The following CHRNA7 variants were observed in gnomAD, a reference collection of about 807,000 sequenced individuals.
CHRNA7 encodes neuronal acetylcholine receptor subunit alpha-7.
A neutral mutation model predicts 48.0 loss-of-function variants in CHRNA7; 17 were observed. The ratio of observed to expected loss-of-function variants is 0.35; its 90% confidence interval spans 0.24 to 0.53. The LOEUF is 0.53. Ranked by LOEUF, CHRNA7 falls within the 20% of genes least tolerant of loss-of-function variation. The probability of loss-of-function intolerance (pLI) is 0.92; values close to 1 mark genes in which losing one functional copy is unlikely to be tolerated. For synonymous variants in CHRNA7, 75 were observed against 242.3 expected, an observed-to-expected ratio of 0.31 and a Z score of 6.41; for missense variants, 155 against 577.7, an observed-to-expected ratio of 0.27 and a Z score of 7.50.
intron 4 of CHRNA7, among the ~76,000 whole-genome samples, chr15:32,146,500 T>C (rs1049682784): frequency 2.0e-5 from 3 of 152,206 alleles, no homozygotes; most frequent in Admixed American, 6.5e-5. Flanking sequence ...ATCTGTTTTT[T>C]ACATAGAAAA....
chr15:32,148,554 C>T (rs932722829), intron 4 of CHRNA7, among the ~76,000 whole-genome samples: 4 of 152,182 alleles, frequency 2.6e-5, no homozygotes, highest in African/African-American at 9.7e-5. Context: ...GTGTGAGGAT[C>T]CTAGGGGATG....
In CHRNA7 at chr15:32,030,726, G is replaced by A. The variant is rs2292571; in HGVS notation, c.55+77G>A. The A allele has an allele frequency of 0.072, 109,678 of 1,533,474 alleles. 5,030 individuals carry two copies. Among genetic ancestry groups the A allele is most frequent in the East Asian group, 0.2 (8,056 of 39,580 alleles). The allele number at this position is 1,533,474 out of a possible 1,614,324, so 95.0% of individuals were successfully genotyped here. ...TCCCGGGCGCCTCTGTGCGCCCCGCGCCTGGGCCAGGTTTGGGATCTCCCC... is the reference window on the plus strand; with the variant it reads ...TCCCGGGCGCCTCTGTGCGCCCCGCACCTGGGCCAGGTTTGGGATCTCCCC... On this transcript the variant is annotated intron_variant, in intron 1 of 9. Coordinates refer to ENST00000306901, the MANE Select transcript of CHRNA7 (RefSeq NM_000746.6).
At chr15:32,097,312 T>G (rs2050487624) in intron 2 of CHRNA7, among the ~76,000 whole-genome samples, 1 of 152,132 alleles carries the variant, frequency 6.6e-6, no homozygotes, top group Non-Finnish European at 1.5e-5. Flanking sequence ...TGCAATGGTC[T>G]GAATGTTTTT....
intron 4 of CHRNA7, among the ~76,000 whole-genome samples, chr15:32,152,991 T>C (rs892998155): frequency 2.6e-5 from 4 of 151,912 alleles, no homozygotes; most frequent in African/African-American, 9.7e-5. Context: ...GGGGCAGTGG[T>C]GCATCCGTCT....
At chr15:32,077,675 A>G (rs1156712983) in intron 2 of CHRNA7, among the ~76,000 whole-genome samples, 1 of 152,178 alleles carries the variant, frequency 6.6e-6, no homozygotes, top group Non-Finnish European at 1.5e-5. Context: ...TTATAAAGCA[A>G]TGAGTTTTAT....
rs1231889582 is a variant in CHRNA7 at position 32,030,583 on chromosome 15, C to T, written c.-12C>T. 1.3e-6 allele frequency: 2 copies of T among 1,524,480 alleles called. No homozygotes were observed. The highest frequency in any genetic ancestry group is 3.9e-5 in the Admixed American group (2 of 50,900). The allele number at this position is 1,524,480 out of a possible 1,614,324, so 94.4% of individuals were successfully genotyped here. ...TGGAGCGCGCCGGCTCGCTGCAGCTCCGGGACTCAACATGCGCTGCTCGCC... is the reference window on the plus strand; with the variant it reads ...TGGAGCGCGCCGGCTCGCTGCAGCTTCGGGACTCAACATGCGCTGCTCGCC... On this transcript the variant is annotated 5_prime_UTR_variant, in exon 1 of 10. Transcript: ENST00000306901.
intron 3 of CHRNA7, among the ~76,000 whole-genome samples, chr15:32,104,725 A>G (rs2050633183): frequency 6.6e-6 from 1 of 152,134 alleles, no homozygotes; most frequent in Non-Finnish European, 1.5e-5. Flanking sequence ...GGGTAGCGTG[A>G]CACAACATAA....
intron 4 of CHRNA7, among the ~76,000 whole-genome samples, chr15:32,145,870 C>A (rs979324585): frequency 6.6e-6 from 1 of 152,232 alleles, no homozygotes; most frequent in African/African-American, 2.4e-5. Flanking sequence ...CAACCCCTTG[C>A]ACTTCCTGGG....
intron 4 of CHRNA7, among the ~76,000 whole-genome samples, chr15:32,114,043 T>TATATATATAC (rs58019100): frequency 6.4e-5 from 5 of 77,744 alleles, no homozygotes; most frequent in African/African-American, 2.7e-4. Flanking sequence ...TATATATATA[T>TATATATATAC]GTATATATAT....
At chr15:32,088,396 CAT>C (rs1291656303) in intron 2 of CHRNA7, among the ~76,000 whole-genome samples, 4 of 152,176 alleles carry the variant, frequency 2.6e-5, no homozygotes, top group African/African-American at 9.7e-5. Flanking sequence ...CTGCTATAAA[CAT>C]GTGCAGGTTT....
chr15:32,087,567 GA>G (rs1205709196), intron 2 of CHRNA7, among the ~76,000 whole-genome samples: 1 of 152,174 alleles, frequency 6.6e-6, no homozygotes, highest in African/African-American at 2.4e-5. Flanking sequence ...CATATATACA[GA>G]AATATCTGTA....
Position 32,149,818 on chromosome 15 carries a change from C to G in CHRNA7, c.351-4089C>G, listed in dbSNP as rs2051584070. On this transcript the variant is annotated intron_variant, in intron 4 of 9. Transcript: ENST00000306901. The surrounding 1 kb of genome is among the most constrained non-coding windows in gnomAD (Gnocchi z 4.6). Reference sequence around the variant, plus strand: ...TTTTTACCTGTTTGCCTTGTGATCTCAAGAGTCTCTTCAATTAAATTGATC... The same window carrying G: ...TTTTTACCTGTTTGCCTTGTGATCTGAAGAGTCTCTTCAATTAAATTGATC... Among the ~76,000 whole-genome samples, 1 of 151,470 alleles carries G rather than the reference C, an allele frequency of 6.6e-6. No individual in the cohort carries two copies. Among genetic ancestry groups the G allele is most frequent in the South Asian group, 2.1e-4 (1 of 4,814 alleles).
At chr15:32,068,961 A>G (rs932970141) in intron 2 of CHRNA7, among the ~76,000 whole-genome samples, 1 of 152,208 alleles carries the variant, frequency 6.6e-6, no homozygotes, top group Non-Finnish European at 1.5e-5. Context: ...TAGACAGTTA[A>G]AAAATAAATG....
intron 2 of CHRNA7, among the ~76,000 whole-genome samples, chr15:32,050,474 C>G (rs1024986541): frequency 6.6e-6 from 1 of 152,162 alleles, no homozygotes; most frequent in East Asian, 1.9e-4. Flanking sequence ...ATGTAGTTCT[C>G]GAGCCTTGGC....
chr15:32,070,290 T>C (rs1292616210), intron 2 of CHRNA7, among the ~76,000 whole-genome samples: 1 of 152,130 alleles, frequency 6.6e-6, no homozygotes, highest in African/African-American at 2.4e-5. Context: ...CAACCACTAA[T>C]CTGATTTGTC....
chr15:32,035,624 A>G (rs1218878415), intron 2 of CHRNA7, among the ~76,000 whole-genome samples: 1 of 152,174 alleles, frequency 6.6e-6, no homozygotes, highest in Non-Finnish European at 1.5e-5. Context: ...CCCTCTGTGT[A>G]GGTTTGCAAT....
intron 2 of CHRNA7, among the ~76,000 whole-genome samples, chr15:32,066,792 TA>T (rs1363381691): frequency 8.5e-5 from 13 of 152,086 alleles, no homozygotes; most frequent in Admixed American, 3.3e-4. Flanking sequence ...TCTAAAACAC[TA>T]AAGGAAAGTA....
rs1595387330 is a variant in CHRNA7 at position 32,051,016 on chromosome 15, C to G, written c.195+19979C>G. On this transcript the variant is annotated intron_variant, in intron 2 of 9. Coordinates refer to ENST00000306901, the MANE Select transcript of CHRNA7 (RefSeq NM_000746.6). ...GATCGTTCCTCTGGAAGTTTTGTCT[C>G]AGAGGAGTACCCGGCCGTGTGAGGT... is the stretch of plus-strand genomic sequence containing the variant. Among the ~76,000 whole-genome samples the G allele has an allele frequency of 2.7e-5, 4 of 149,312 alleles. 1 individual carries two copies. In the East Asian group the frequency reaches 8.3e-4, roughly 31 times the overall value.
At chr15:32,039,626 A>G (rs2049411829) in intron 2 of CHRNA7, among the ~76,000 whole-genome samples, 1 of 152,200 alleles carries the variant, frequency 6.6e-6, no homozygotes, top group Admixed American at 6.5e-5. Flanking sequence ...ATAGCAGGCA[A>G]TGTGTAATTT....
Sources: allele counts gnomAD v4.1 joint callset (sites outside exome capture counted in the v4.1 genomes callset), GRCh38; gene constraint gnomAD v4.1.1; non-coding constraint Gnocchi (gnomAD v3.1); transcripts MANE v1.5; gene names NCBI Gene and HGNC (gene_info 2026-07-23, HGNC 2026-07-21).